CDKN2B-AS1: variants seen among roughly 807,000 people sequenced by gnomAD.
The protein encoded by CDKN2B-AS1 is CDKN2B and CDKN2A antisense cis and trans regulatory RNA 1.
chr9:22,127,412 C>T (rs1022238849), exon 5 of CDKN2B-AS1, among the ~76,000 whole-genome samples: 3 of 152,162 alleles, frequency 2.0e-5, no homozygotes, highest in Admixed American at 6.5e-5. Context: ...GGTAAGTATG[C>T]CTAGATGCAC....
intron 4 of CDKN2B-AS1, among the ~76,000 whole-genome samples, chr9:22,059,940 G>A (rs1414411925): frequency 6.6e-6 from 1 of 152,184 alleles, no homozygotes; most frequent in East Asian, 1.9e-4. Context: ...GGAGCAGCTG[G>A]GACACAGGGC....
At position 21,999,465 on chromosome 9, in the gene CDKN2B-AS1, T is replaced by C. The variant is rs1820831242; in HGVS notation, n.29+4304T>C. Among the ~76,000 whole-genome samples the C allele has an allele frequency of 6.6e-6, 1 of 151,854 alleles. No homozygotes were observed. The highest frequency in any genetic ancestry group is 6.6e-5 in the Admixed American group (1 of 15,246). ...ACATATGTACACACATATCTGTAAGTATGGGAAGATGTATACACATGTACA... is the reference window on the plus strand; with the variant it reads ...ACATATGTACACACATATCTGTAAGCATGGGAAGATGTATACACATGTACA... On this transcript the variant is annotated intron_variant and non_coding_transcript_variant, in intron 1 of 4. Coordinates refer to ENST00000650946, the Ensembl canonical transcript of CDKN2B-AS1. This position sits in a 1 kb window ranked among gnomAD's most constrained non-coding sequence, Gnocchi z 4.7.
intron 4 of CDKN2B-AS1, chr9:22,058,436 A>G (rs914198724): frequency 1.3e-5 from 2 of 152,254 alleles, no homozygotes; most frequent in African/African-American, 2.4e-5. Context: ...AACACAGGAC[A>G]AATGGAATTA....
chr9:22,016,009 G>A (rs1161200274), intron 1 of CDKN2B-AS1, among the ~76,000 whole-genome samples: 2 of 152,188 alleles, frequency 1.3e-5, no homozygotes, highest in African/African-American at 2.4e-5. Context: ...TTTGTCAGAT[G>A]AGTAGGTCGC....
chr9:22,015,938 G>A (rs1821734420), intron 1 of CDKN2B-AS1, among the ~76,000 whole-genome samples: 2 of 152,020 alleles, frequency 1.3e-5, no homozygotes, highest in Non-Finnish European at 2.9e-5. Flanking sequence ...TTTTTGATGG[G>A]GTTGTTTGTT....
In CDKN2B-AS1 at chr9:22,068,633, T is replaced by A. The variant is rs74806286; in HGVS notation, n.438+12246T>A. On this transcript the variant is annotated intron_variant and non_coding_transcript_variant, in intron 4 of 4. Transcript: ENST00000650946. The stretch of plus-strand genomic sequence containing the variant: ...TTCCAGTGACGTAGTGTGTGGTCTT[T>A]AAGTGGCTTTGCAATGATAGTAAGA... Among the ~76,000 whole-genome samples the A allele has an allele frequency of 1.3e-4, 20 of 152,302 alleles. 1 individual carries two copies. The East Asian group carries it at 3.5e-3, about 26-fold the overall frequency.
chr9:22,010,931 T>A (rs2131197407), intron 1 of CDKN2B-AS1, among the ~76,000 whole-genome samples: 1 of 152,328 alleles, frequency 6.6e-6, no homozygotes, highest in Admixed American at 6.5e-5. Context: ...TGGAAGATAA[T>A]GTTTTTCTTT....
At chr9:22,014,915 C>T (rs1028006847) in intron 1 of CDKN2B-AS1, among the ~76,000 whole-genome samples, 1 of 151,988 alleles carries the variant, frequency 6.6e-6, no homozygotes, top group Non-Finnish European at 1.5e-5. Context: ...CCAATTTCAT[C>T]CATGTCCCTA....
intron 1 of CDKN2B-AS1, among the ~76,000 whole-genome samples, chr9:22,014,138 C>G (rs10811641): frequency 0.33 from 49,783 of 151,828 alleles, 8,986 homozygotes; most frequent in East Asian, 0.58. Flanking sequence ...CATTTACTAG[C>G]TGGAATGTCT....
At chr9:22,126,242 A>G (rs190203239) in intron 4 of CDKN2B-AS1, among the ~76,000 whole-genome samples, 2 of 152,208 alleles carry the variant, frequency 1.3e-5, no homozygotes, top group Non-Finnish European at 1.5e-5. Context: ...TTCCAGGGCA[A>G]TCATACATCC....
intron 4 of CDKN2B-AS1, chr9:22,120,244 T>G (rs1349641777): frequency 2.0e-5 from 3 of 152,230 alleles, no homozygotes; most frequent in Non-Finnish European, 4.4e-5. Flanking sequence ...GCATGAGCTA[T>G]TGAGGCCTTT....
chr9:22,010,592 G>T (rs1821449535), intron 1 of CDKN2B-AS1, among the ~76,000 whole-genome samples: 1 of 152,088 alleles, frequency 6.6e-6, no homozygotes, highest in Non-Finnish European at 1.5e-5. Flanking sequence ...TCTTTTAAAG[G>T]CAGTGGAAGT....
rs375565366 is a variant in CDKN2B-AS1, at chr9:22,005,957, AGTC to A, written n.29+10799_29+10801del. ...GGTGGGAAATTGGGTAAGAAAATAA[AGTC>A]GTTGTGGGCGGCTGGGGAACCTGGC... On this transcript the variant is annotated intron_variant and non_coding_transcript_variant, in intron 1 of 4. Coordinates refer to ENST00000650946, the Ensembl canonical transcript of CDKN2B-AS1. This position sits in a 1 kb window ranked among gnomAD's most constrained non-coding sequence, Gnocchi z 4.9. 206 of 1,598,442 alleles carry A rather than the reference AGTC, an allele frequency of 1.3e-4. 2 individuals are homozygous for A. The Middle Eastern group carries it at 1.7e-3, about 13-fold the overall frequency.
At chr9:22,068,381 G>A (rs977535578) in intron 4 of CDKN2B-AS1, among the ~76,000 whole-genome samples, 7 of 152,148 alleles carry the variant, frequency 4.6e-5, no homozygotes, top group South Asian at 2.1e-4. Context: ...CTAGGAGATC[G>A]TGGGAAATAT....
intron 4 of CDKN2B-AS1, among the ~76,000 whole-genome samples, chr9:22,074,617 T>G (rs1824423849): frequency 6.6e-6 from 1 of 152,262 alleles, no homozygotes; most frequent in South Asian, 2.1e-4. Flanking sequence ...TAGATTCCAC[T>G]GCTGAGAGCT....
In CDKN2B-AS1 at chr9:22,006,911, A is replaced by G. The variant is rs906893820; in HGVS notation, n.29+11750A>G. Among the ~76,000 whole-genome samples the G allele has an allele frequency of 1.3e-5, 2 of 152,170 alleles. No individual in the cohort carries two copies. Among genetic ancestry groups the G allele is most frequent in the African/African-American group, 2.4e-5 (1 of 41,448 alleles). ...TAAATTAAATCATGCAAAATCTTAT[A>G]AAATTATAATAAATGATTTTTCCTT... On this transcript the variant is annotated intron_variant and non_coding_transcript_variant, in intron 1 of 4. Coordinates refer to ENST00000650946, the Ensembl canonical transcript of CDKN2B-AS1. The surrounding 1 kb of genome is among the most constrained non-coding windows in gnomAD (Gnocchi z 6.4).
At chr9:22,013,969 G>C (rs1821627552) in intron 1 of CDKN2B-AS1, among the ~76,000 whole-genome samples, 1 of 151,750 alleles carries the variant, frequency 6.6e-6, no homozygotes, top group Non-Finnish European at 1.5e-5. Context: ...TTTGATATTT[G>C]GGCAAAAGTA....
At chr9:22,107,678 C>G (rs746178511) in intron 4 of CDKN2B-AS1, among the ~76,000 whole-genome samples, 2 of 152,176 alleles carry the variant, frequency 1.3e-5, no homozygotes, top group Non-Finnish European at 2.9e-5. Context: ...GCACTGCAAC[C>G]ATACATACAA....
At chr9:22,036,945 C>T (rs754108818) in intron 1 of CDKN2B-AS1, among the ~76,000 whole-genome samples, 2 of 152,066 alleles carry the variant, frequency 1.3e-5, no homozygotes, top group Non-Finnish European at 2.9e-5. Flanking sequence ...TGAAAGGTGG[C>T]TCTTCCACAC....
Sources: gnomAD v4.1 joint callset for allele counts (sites outside exome capture counted in the v4.1 genomes callset) on GRCh38, gnomAD v4.1.1 for gene constraint, Gnocchi (gnomAD v3.1) non-coding constraint, MANE v1.5 for transcripts, NCBI Gene and HGNC (gene_info 2026-07-23, HGNC 2026-07-21) for gene names.